Variants in ASB15 observed in about 807,000 individuals in gnomAD.
The protein encoded by ASB15 is ankyrin repeat and SOCS box containing 15, also known as ankyrin repeat and SOCS box protein 15.
ASB15 carries 54 observed loss-of-function variants against 58.0 expected under a neutral mutation model. The ratio of observed to expected loss-of-function variants is 0.93; its 90% CI spans 0.75 to 1.17. The LOEUF is 1.17. ASB15 is among the 50% of genes most tolerant of loss of function. The pLI is 0.00. For missense variants in ASB15, 680 were observed against 707.4 expected (o/e 0.96, Z 0.44); for synonymous variants, 249 against 262.4 (o/e 0.95, Z 0.50).
rs76917196 is a variant in ASB15 at position 123,611,460 on chromosome 7, T to A, written c.-3+2806T>A. On this transcript the variant is annotated intron_variant, in intron 3 of 11. Transcript: ENST00000451215. ...CAGGCGCCCGCCACCGTACCTAATTTTTTTTGTATTTTTTTTTAGTAGAGA... is the reference window on the plus strand; with the variant it reads ...CAGGCGCCCGCCACCGTACCTAATTATTTTTGTATTTTTTTTTAGTAGAGA... 8.3e-3 allele frequency among the ~76,000 whole-genome samples: 1,181 copies of A among 142,034 alleles called. 18 individuals carry two copies. The highest frequency in any genetic ancestry group is 0.029 in the African/African-American group (1,134 of 39,020). 93.2% of individuals were successfully genotyped at this position (142,034 alleles called of 152,430 possible).
chr7:123,629,117 G>T lies in ASB15; in HGVS notation c.1123G>T (p.Asp375Tyr), dbSNP rs1399670993. The T allele has an allele frequency of 6.2e-7, 1 of 1,614,124 alleles. No individual in the cohort carries two copies. The highest frequency in any genetic ancestry group is 1.1e-5 in the South Asian group (1 of 91,072). ...CTEVLLAAGA[D>Y]PNLDPLNCLL... ...AGAAGTCCTTCTGGCTGCAGGTGCAGACCCAAACTTAGATCCCCTCAACTG... is the reference window on the plus strand; with the variant it reads ...AGAAGTCCTTCTGGCTGCAGGTGCATACCCAAACTTAGATCCCCTCAACTG... The change falls in exon 10 of 12, where the codon GAC becomes TAC. Residue 375 changes from aspartate (D) to tyrosine (Y), a missense_variant. Coordinates refer to ENST00000451215, the MANE Select transcript of ASB15 (RefSeq NM_001290258.2).
At chr7:123,604,948 G>A (rs763728226) in intron 2 of ASB15, among the ~76,000 whole-genome samples, 24 of 152,254 alleles carry the variant, frequency 1.6e-4, no homozygotes, top group Non-Finnish European at 2.4e-4. Flanking sequence ...AGCTAATGCA[G>A]GCAGGTCGGC....
chr7:123,572,099 T>G (rs1230871472), intron 1 of ASB15, among the ~76,000 whole-genome samples: 2 of 151,354 alleles, frequency 1.3e-5, no homozygotes, highest in Non-Finnish European at 2.9e-5. Flanking sequence ...GTTGTCTTGT[T>G]TTACAGTGAT....
chr7:123,601,250 G>T (rs975508786), upstream of ASB15, among the ~76,000 whole-genome samples: 41 of 152,012 alleles, frequency 2.7e-4, no homozygotes, highest in African/African-American at 9.7e-4. Flanking sequence ...TTTTTTGCTT[G>T]TTTTATTAAT....
At chr7:123,588,023 TG>T (rs1799423945) in intron 1 of ASB15, among the ~76,000 whole-genome samples, 2 of 151,932 alleles carry the variant, frequency 1.3e-5, no homozygotes, top group East Asian at 3.9e-4. Context: ...TGTCTGGCTT[TG>T]GTATCAGGAT....
chr7:123,606,136 T>C (rs1032191205), intron 2 of ASB15, among the ~76,000 whole-genome samples: 4 of 152,346 alleles, frequency 2.6e-5, no homozygotes, highest in Admixed American at 2.0e-4. Flanking sequence ...TGTCTGTAAC[T>C]GGCCTCACCT....
chr7:123,633,965 A>T (rs534643256), intron 11 of ASB15, among the ~76,000 whole-genome samples: 142 of 152,334 alleles, frequency 9.3e-4, no homozygotes, highest in African/African-American at 3.1e-3. Context: ...AAGTTTCAAA[A>T]AGGGTAATGA....
intron 2 of ASB15, among the ~76,000 whole-genome samples, chr7:123,606,353 C>T (rs942867772): frequency 1.1e-4 from 17 of 152,182 alleles, no homozygotes; most frequent in Non-Finnish European, 2.4e-4. Flanking sequence ...CTTCTCTCTT[C>T]TCGAGGTCAC....
intron 3 of ASB15, among the ~76,000 whole-genome samples, chr7:123,610,250 A>T (rs1800367008): frequency 6.6e-6 from 1 of 152,224 alleles, no homozygotes; most frequent in Admixed American, 6.5e-5. Context: ...TAGCTCTGGG[A>T]CATTTGGTGG....
In ASB15 at chr7:123,629,048, A is replaced by G. The variant is rs761410792; in HGVS notation, c.1054A>G (p.Thr352Ala). Residue 352 changes from threonine to alanine, a missense_variant, in exon 10 of 12, where the codon ACT (threonine) becomes GCT (alanine). Thr to Ala is a moderately conservative substitution (Grantham distance 58). Transcript: ENST00000451215. ...CCAGAGCTATGACGATGAGAGGAAG[A>G]CTGCGCTGTATTTTGGCGTTTCTAA... ...ISQSYDDERK[T>A]ALYFGVSNND... 6 of 1,613,812 alleles carry G rather than the reference A, an allele frequency of 3.7e-6. No homozygotes were observed. Among genetic ancestry groups the G allele is most frequent in the Non-Finnish European group, 5.1e-6 (6 of 1,179,840 alleles).
At chr7:123,573,288 C>CT (rs35889563) in intron 1 of ASB15, among the ~76,000 whole-genome samples, 24,938 of 117,828 alleles carry the variant, frequency 0.21, 2,805 homozygotes, top group East Asian at 0.38. Context: ...TCTGGATTTG[C>CT]TTTTTTTTTT....
chr7:123,611,423 T>TA (rs1800451153), intron 3 of ASB15, among the ~76,000 whole-genome samples: 4 of 151,984 alleles, frequency 2.6e-5, no homozygotes, highest in African/African-American at 9.6e-5. Context: ...GTCTCCCGAG[T>TA]AGCTGGGACT....
rs770541778 is a variant in ASB15 at position 123,629,262 on chromosome 7, A to G, written c.1268A>G (p.Gln423Arg). 1 of 1,614,166 alleles carries G rather than the reference A, an allele frequency of 6.2e-7. No homozygotes were observed. Among genetic ancestry groups the G allele is most frequent in the Non-Finnish European group, 8.5e-7 (1 of 1,180,018 alleles). ...GACACTCGTTTCCCCAGTGTCATTCAATATGCTCTAAACGACGAGGTAATG... is the reference window on the plus strand; with the variant it reads ...GACACTCGTTTCCCCAGTGTCATTCGATATGCTCTAAACGACGAGGTAATG... ...VNDTRFPSVI[Q>R]YALNDEVMLR... Residue 423 changes from glutamine to arginine, a missense_variant, in exon 10 of 12, where the codon CAA becomes CGA. Gln to Arg is a conservative substitution (Grantham distance 43, BLOSUM62 1). Coordinates refer to ENST00000451215, the MANE Select transcript of ASB15 (RefSeq NM_001290258.2).
chr7:123,577,323 G>T (rs2116300789), intron 1 of ASB15, among the ~76,000 whole-genome samples: 1 of 152,192 alleles, frequency 6.6e-6, no homozygotes, highest in East Asian at 1.9e-4. Context: ...ATTCGATACT[G>T]AGAAGAACTG....
At chr7:123,604,904 C>T (rs527926277) in intron 2 of ASB15, among the ~76,000 whole-genome samples, 8 of 152,250 alleles carry the variant, frequency 5.3e-5, no homozygotes, top group African/African-American at 1.9e-4. Flanking sequence ...TGTTTACTGA[C>T]TACTTGTGAC....
At chr7:123,624,541 ACT>A (rs753386880) in intron 7 of ASB15, 26 bp from the exon 8 acceptor site, 3 of 1,593,100 alleles carry the variant, frequency 1.9e-6, no homozygotes, top group Non-Finnish European at 2.6e-6. Context: ...TAATATACTT[ACT>A]GTTGTTTTTA....
chr7:123,634,557 A>G (rs993602139), intron 11 of ASB15, among the ~76,000 whole-genome samples: 17 of 152,178 alleles, frequency 1.1e-4, no homozygotes, highest in African/African-American at 3.9e-4. Flanking sequence ...TAAATATACA[A>G]TTTTTAAAAA....
In ASB15 at chr7:123,624,570, T is replaced by G; in HGVS notation, c.453T>G (p.Ala151=). ...NDKGETPLLI[A]VKKGSYDMVS... The stretch of plus-strand genomic sequence containing the variant: ...TTGTTTTTAACAATCATTTTCAAGC[T>G]GTGAAAAAGGGCTCCTATGACATGG... Residue 151 remains alanine (A), a splice_region_variant and synonymous_variant, in exon 8 of 12, where the codon GCT becomes GCG. Transcript: ENST00000451215. 6.2e-7 allele frequency: 1 copy of G among 1,611,238 alleles called. No homozygotes were observed. The highest frequency in any genetic ancestry group is 1.3e-5 in the African/African-American group (1 of 74,976).
chr7:123,624,713 A>C lies in ASB15; in HGVS notation c.596A>C (p.His199Pro). 1 of 1,614,206 alleles carries C rather than the reference A, an allele frequency of 6.2e-7. No homozygotes were observed. Among genetic ancestry groups the C allele is most frequent in the Non-Finnish European group, 8.5e-7 (1 of 1,180,024 alleles). ...RKDIVALLLK[H>P]GGNVHLRDGF... The stretch of plus-strand genomic sequence containing the variant: ...GATATCGTAGCTCTGCTGCTGAAAC[A>C]TGGAGGCAATGTCCACCTGAGAGAT... Residue 199 changes from histidine (H) to proline (P), a missense_variant, in exon 8 of 12, where the codon CAT (histidine) becomes CCT (proline). Coordinates refer to ENST00000451215, the MANE Select transcript of ASB15 (RefSeq NM_001290258.2).
Sources: gnomAD v4.1 joint callset for allele counts (sites outside exome capture counted in the v4.1 genomes callset) on GRCh38, gnomAD v4.1.1 for gene constraint, MANE v1.5 for transcripts, NCBI Gene and HGNC (gene_info 2026-07-23, HGNC 2026-07-21) for gene names.